Variants in MAP3K20 observed in about 807,000 individuals in gnomAD.
The protein encoded by MAP3K20 is HCCS-4.
A neutral mutation model predicts 85.7 loss-of-function variants in MAP3K20; 40 were observed. The ratio of observed to expected loss-of-function variants is 0.47; its 90% confidence interval spans 0.36 to 0.61. The LOEUF (loss-of-function observed/expected upper bound fraction) is 0.61, where lower values mean the gene tolerates loss of function less well. Among genes scored for constraint, MAP3K20 ranks in the 20% least tolerant of loss-of-function variants. MAP3K20 has a pLI of 0.00. For synonymous variants in MAP3K20, 325 were observed against 327.7 expected, an observed-to-expected ratio of 0.99 and a Z score of 0.09; for missense variants, 817 against 961.7, an observed-to-expected ratio of 0.85 and a Z score of 1.99.
chr2:173,228,935 G>C (rs1030530872), intron 11 of MAP3K20, among the ~76,000 whole-genome samples: 30 of 152,192 alleles, frequency 2.0e-4, no homozygotes, highest in Admixed American at 3.3e-4. Flanking sequence ...AAAGCTAATA[G>C]CTGTACCAAA....
intron 1 of MAP3K20, among the ~76,000 whole-genome samples, chr2:173,080,475 A>G (rs1032474444): frequency 5.9e-5 from 9 of 152,190 alleles, no homozygotes; most frequent in African/African-American, 1.7e-4. Flanking sequence ...TCTGGCGAGA[A>G]TCACCCATTG....
At chr2:173,191,765 G>C (rs1294730240) in intron 7 of MAP3K20, among the ~76,000 whole-genome samples, 3 of 152,170 alleles carry the variant, frequency 2.0e-5, no homozygotes, top group African/African-American at 7.2e-5. Flanking sequence ...CATTACATAA[G>C]AATCACAGCA....
At chr2:173,260,238 T>C (rs561430774) in intron 17 of MAP3K20, among the ~76,000 whole-genome samples, 1 of 152,012 alleles carries the variant, frequency 6.6e-6, no homozygotes, top group Non-Finnish European at 1.5e-5. Context: ...TGTGGTGGCG[T>C]GCTCCTGTAA....
chr2:173,263,039 A>G (rs1685332142), intron 18 of MAP3K20, among the ~76,000 whole-genome samples: 1 of 152,134 alleles, frequency 6.6e-6, no homozygotes. Flanking sequence ...TTTTCACTTC[A>G]GAGTTTTTTA....
Position 173,263,811 on chromosome 2 carries a change from C to G in MAP3K20, c.1618C>G (p.Gln540Glu). Residue 540 changes from glutamine (Q) to glutamate (E), a missense_variant, in exon 19 of 20, where the codon CAG becomes GAG. Gln to Glu is a conservative substitution (Grantham distance 29). Coordinates refer to ENST00000375213, the MANE Select transcript of MAP3K20 (RefSeq NM_016653.3). ...GATTCAGTGGAGTAGAACAAAACCT[C>G]AGGATGAAGTGAAAGCAGTCCAACT... ...HSIQWSRTKP[Q>E]DEVKAVQLAI... 6.2e-7 allele frequency: 1 copy of G among 1,613,672 alleles called. No individual in the cohort carries two copies. Among genetic ancestry groups the G allele is most frequent in the Non-Finnish European group, 8.5e-7 (1 of 1,179,924 alleles).
chr2:173,075,943 C>G lies in MAP3K20; in HGVS notation c.-94C>G, dbSNP rs1017719149. On this transcript the variant is annotated 5_prime_UTR_variant, in exon 1 of 20. Coordinates refer to ENST00000375213, the MANE Select transcript of MAP3K20 (RefSeq NM_016653.3). ...CGCTGTCGTCCCAACCCCCGCCGCC[C>G]TCGTCGCGCGCGGGGCCTCCGCGCC... 3.2e-5 allele frequency: 32 copies of G among 985,204 alleles called. No homozygotes were observed. The highest frequency in any genetic ancestry group is 3.9e-5 in the Non-Finnish European group (32 of 829,922). 61.0% of individuals were successfully genotyped at this position (985,204 alleles called of 1,614,324 possible).
chr2:173,266,783 TAA>T lies in MAP3K20; in HGVS notation c.*49_*50del, dbSNP rs3835094. ...AACTACATAGCTTTTCTAAGCAGGT[TAA>T]AAAAAAAAAAAAAAAGAAATGTAAT... On this transcript the variant is annotated 3_prime_UTR_variant, in exon 20 of 20. Transcript: ENST00000375213. 9,992 of 1,014,676 alleles carry T rather than the reference TAA, an allele frequency of 9.8e-3. No homozygotes were observed. The highest frequency in any genetic ancestry group is 0.03 in the East Asian group (962 of 32,582). The allele number at this position is 1,014,676 out of a possible 1,614,324, so 62.9% of individuals were successfully genotyped here. A position where few individuals can be genotyped will look rare whatever the true frequency, so the allele number is the denominator to read the frequency against.
intron 11 of MAP3K20, among the ~76,000 whole-genome samples, chr2:173,219,846 A>T (rs749832194): frequency 1.3e-5 from 2 of 152,118 alleles, no homozygotes; most frequent in African/African-American, 2.4e-5. Context: ...AGGGGGGTGG[A>T]TCACGAGGTC....
intron 16 of MAP3K20, among the ~76,000 whole-genome samples, chr2:173,252,538 C>T (rs528070063): frequency 6.6e-6 from 1 of 152,326 alleles, no homozygotes; most frequent in Non-Finnish European, 1.5e-5. Flanking sequence ...CCCCTCGCCC[C>T]AACAAAATTC....
rs1236233782 is a variant in MAP3K20 at position 173,267,949 on chromosome 2, C to T, written c.*1199C>T. 1 of 152,086 alleles carries T rather than the reference C, an allele frequency of 6.6e-6. No homozygotes were observed. The highest frequency in any genetic ancestry group is 1.5e-5 in the Non-Finnish European group (1 of 67,998). The allele number at this position is 152,086 out of a possible 1,614,324, so 9.4% of individuals were successfully genotyped here. A position where few individuals can be genotyped will look rare whatever the true frequency, so the allele number is the denominator to read the frequency against. Reference sequence around the variant, plus strand: ...TGTGAAATGCTTCATGTTTTACAAACCAAAAAGTCAGGTAGCAACAAACTT... The same window carrying T: ...TGTGAAATGCTTCATGTTTTACAAATCAAAAAGTCAGGTAGCAACAAACTT... On this transcript the variant is annotated 3_prime_UTR_variant, in exon 20 of 20. Coordinates refer to ENST00000375213, the MANE Select transcript of MAP3K20 (RefSeq NM_016653.3).
chr2:173,175,035 A>G (rs1299448244), intron 3 of MAP3K20, among the ~76,000 whole-genome samples: 3 of 152,184 alleles, frequency 2.0e-5, no homozygotes, highest in Non-Finnish European at 4.4e-5. Context: ...TGGAATTGAG[A>G]GTTCATAGTT....
intron 2 of MAP3K20, among the ~76,000 whole-genome samples, chr2:173,142,688 A>G (rs1345007995): frequency 3.9e-5 from 6 of 152,186 alleles, no homozygotes; most frequent in Non-Finnish European, 8.8e-5. Flanking sequence ...AAAATGATAT[A>G]CTAAGAAAAA....
intron 11 of MAP3K20, chr2:173,221,581 A>T: frequency 6.9e-7 from 1 of 1,451,860 alleles, no homozygotes. Flanking sequence ...ACACAAAAGT[A>T]ACTTGTTTAT....
intron 2 of MAP3K20, among the ~76,000 whole-genome samples, chr2:173,124,200 A>T (rs1363308267): frequency 6.6e-6 from 1 of 152,214 alleles, no homozygotes; most frequent in Non-Finnish European, 1.5e-5. Flanking sequence ...GAGGGTCTGT[A>T]ACCAGGAACC....
intron 14 of MAP3K20, among the ~76,000 whole-genome samples, chr2:173,232,674 T>C (rs1307658760): frequency 1.3e-5 from 2 of 152,070 alleles, no homozygotes; most frequent in Non-Finnish European, 2.9e-5. Context: ...CAGCTAATTT[T>C]TGTATTTTTA....
chr2:173,176,494 G>C (rs1395342995), intron 3 of MAP3K20, among the ~76,000 whole-genome samples: 2 of 152,092 alleles, frequency 1.3e-5, no homozygotes, highest in Non-Finnish European at 2.9e-5. Context: ...AACTGAGGTA[G>C]ACTGTGCTAA....
chr2:173,217,032 T>C, intron 10 of MAP3K20, 83 bp from the exon 11 acceptor site: 1 of 1,294,940 alleles, frequency 7.7e-7, no homozygotes, highest in Middle Eastern at 2.1e-4. Flanking sequence ...TGTCTTTTAC[T>C]TTGATTAGCA....
intron 2 of MAP3K20, among the ~76,000 whole-genome samples, chr2:173,145,269 G>T (rs1345455457): frequency 6.6e-6 from 1 of 151,900 alleles, no homozygotes; most frequent in Non-Finnish European, 1.5e-5. Context: ...AAAAAAATTG[G>T]TAACTAGAGC....
intron 2 of MAP3K20, among the ~76,000 whole-genome samples, chr2:173,148,596 T>C (rs943121219): frequency 1.3e-5 from 2 of 152,086 alleles, no homozygotes; most frequent in Non-Finnish European, 2.9e-5. Flanking sequence ...AGGGGCAGAG[T>C]TAACCAGCTG....
Sources: gnomAD v4.1 joint callset for allele counts (sites outside exome capture counted in the v4.1 genomes callset) on GRCh38, gnomAD v4.1.1 for gene constraint, MANE v1.5 for transcripts, NCBI Gene and HGNC (gene_info 2026-07-23, HGNC 2026-07-21) for gene names.